The following TBC1D1 variants were observed in gnomAD, a reference collection of about 807,000 sequenced individuals.
TBC1D1 encodes the protein TBC1 (tre-2/USP6, BUB2, cdc16) domain family, member 1.
Under a neutral mutation model 125.6 loss-of-function variants are expected in TBC1D1, and 89 were observed. The ratio of observed to expected loss-of-function variants is 0.71; its 90% CI spans 0.60 to 0.85. The LOEUF is 0.85. TBC1D1 is among the 40% of genes least tolerant of loss of function. TBC1D1 has a pLI of 0.00. For synonymous variants in TBC1D1, 565 were observed against 564.1 expected (o/e 1.00, Z -0.02); for missense variants, 1,377 against 1,469.2 (o/e 0.94, Z 1.03).
At chr4:38,086,152 G>A (rs1028304773) in intron 12 of TBC1D1, among the ~76,000 whole-genome samples, 25 of 138,552 alleles carry the variant, frequency 1.8e-4, no homozygotes, top group South Asian at 5.1e-4. Flanking sequence ...GTTGTTAATC[G>A]TAAACTATAA....
chr4:38,006,982 A>G (rs1172614866), intron 2 of TBC1D1: 1 of 429,970 alleles, frequency 2.3e-6, no homozygotes, highest in Non-Finnish European at 4.7e-6. Context: ...TTCTTGGCCA[A>G]GGGTGGTTCA....
chr4:37,983,786 G>C (rs1734879676), intron 2 of TBC1D1, among the ~76,000 whole-genome samples: 1 of 152,112 alleles, frequency 6.6e-6, no homozygotes. Flanking sequence ...TTTACATTAG[G>C]GTTCACTGTT....
intron 2 of TBC1D1, among the ~76,000 whole-genome samples, chr4:37,962,245 A>G (rs1730206865): frequency 6.6e-6 from 1 of 152,224 alleles, no homozygotes; most frequent in South Asian, 2.1e-4. Context: ...CTACCCAGCC[A>G]TTGTCCTCTT....
intron 14 of TBC1D1, among the ~76,000 whole-genome samples, chr4:38,097,194 C>G (rs1759495546): frequency 6.6e-6 from 1 of 152,092 alleles, no homozygotes; most frequent in African/African-American, 2.4e-5. Context: ...TGTAGTTTCA[C>G]TCTTGTTGCC....
intron 2 of TBC1D1, among the ~76,000 whole-genome samples, chr4:37,909,864 A>G (rs1178837933): frequency 2.0e-5 from 3 of 152,122 alleles, no homozygotes; most frequent in African/African-American, 4.8e-5. Context: ...CAGTGTATCC[A>G]TGTCAGCTAA....
intron 13 of TBC1D1, among the ~76,000 whole-genome samples, chr4:38,093,082 A>T (rs1758694910): frequency 1.3e-5 from 2 of 152,136 alleles, no homozygotes; most frequent in South Asian, 4.1e-4. Context: ...GAGCATAAAG[A>T]CATTATTTGA....
At chr4:38,060,030 C>T (rs1424506440) in intron 12 of TBC1D1, among the ~76,000 whole-genome samples, 1 of 152,160 alleles carries the variant, frequency 6.6e-6, no homozygotes, top group Non-Finnish European at 1.5e-5. Context: ...TCAGCTTCAT[C>T]CATGTCCCTG....
chr4:37,960,515 G>A (rs747523393), intron 2 of TBC1D1: 1 of 1,614,182 alleles, frequency 6.2e-7, no homozygotes, highest in Non-Finnish European at 8.5e-7. Context: ...TGAAGCTGGA[G>A]TCTAGACCTT....
chr4:37,946,274 G>A (rs188911185), intron 2 of TBC1D1, among the ~76,000 whole-genome samples: 33 of 152,324 alleles, frequency 2.2e-4, no homozygotes, highest in Non-Finnish European at 1.2e-4. Flanking sequence ...GCACTGTGGG[G>A]TGAATATGGT....
chr4:37,997,913 G>C (rs1200669311), intron 2 of TBC1D1, among the ~76,000 whole-genome samples: 1 of 152,074 alleles, frequency 6.6e-6, no homozygotes. Flanking sequence ...TTTGTTCAGG[G>C]ATAAGATGTC....
intron 2 of TBC1D1, among the ~76,000 whole-genome samples, chr4:37,985,797 A>G (rs1264558606): frequency 6.6e-6 from 1 of 152,078 alleles, no homozygotes; most frequent in Non-Finnish European, 1.5e-5. Context: ...GGAGAGGGAG[A>G]CCTGTGGAGA....
intron 6 of TBC1D1, among the ~76,000 whole-genome samples, chr4:38,027,449 C>T (rs1045227276): frequency 1.3e-5 from 2 of 152,238 alleles, no homozygotes; most frequent in East Asian, 3.9e-4. Context: ...ATGGCGAAAC[C>T]TTGTCTTTTA....
chr4:37,922,580 A>G (rs1721240750), intron 2 of TBC1D1, among the ~76,000 whole-genome samples: 1 of 152,192 alleles, frequency 6.6e-6, no homozygotes, highest in Non-Finnish European at 1.5e-5. Context: ...TACTCGTCTG[A>G]GACTCCCTCG....
chr4:38,044,272 G>A (rs1243720697), intron 8 of TBC1D1, 90 bp from the exon 9 acceptor site: 15 of 1,403,502 alleles, frequency 1.1e-5, no homozygotes, highest in East Asian at 2.4e-5. Flanking sequence ...TGATGGCCTG[G>A]TGCCAAAAAG....
At chr4:38,123,198 A>G (rs1399089941) in intron 17 of TBC1D1, among the ~76,000 whole-genome samples, 1 of 152,180 alleles carries the variant, frequency 6.6e-6, no homozygotes, top group Non-Finnish European at 1.5e-5. Flanking sequence ...TGTTGTAGGG[A>G]AAGCCTTTCC....
intron 18 of TBC1D1, among the ~76,000 whole-genome samples, chr4:38,129,494 C>G (rs1470201439): frequency 1.3e-5 from 2 of 152,182 alleles, no homozygotes; most frequent in Non-Finnish European, 2.9e-5. Context: ...TTGTAATTCA[C>G]TACAGATAGT....
intron 12 of TBC1D1, among the ~76,000 whole-genome samples, chr4:38,083,167 C>A (rs533741929): frequency 6.6e-5 from 10 of 152,074 alleles, no homozygotes; most frequent in Non-Finnish European, 1.5e-4. Flanking sequence ...CTGTGCACTC[C>A]CTGCCTGCCA....
chr4:37,954,574 G>A (rs1435105844), intron 2 of TBC1D1, among the ~76,000 whole-genome samples: 1 of 152,166 alleles, frequency 6.6e-6, no homozygotes, highest in Non-Finnish European at 1.5e-5. Flanking sequence ...GCCAGATTTG[G>A]AAGGGTCTTG....
At chr4:37,954,699 T>C (rs1374572594) in intron 2 of TBC1D1, among the ~76,000 whole-genome samples, 1 of 152,044 alleles carries the variant, frequency 6.6e-6, no homozygotes, top group Non-Finnish European at 1.5e-5. Flanking sequence ...AAGGGATGCT[T>C]TGAAGGTCGG....
Sources: gnomAD v4.1 joint callset for allele counts (sites outside exome capture counted in the v4.1 genomes callset) on GRCh38, gnomAD v4.1.1 for gene constraint, MANE v1.5 for transcripts, NCBI Gene and HGNC (gene_info 2026-07-23, HGNC 2026-07-21) for gene names.